The following PLCG1 variants were observed in gnomAD, a reference collection of about 807,000 sequenced individuals.
PLCG1 encodes the protein 1-phosphatidylinositol 4,5-bisphosphate phosphodiesterase gamma-1.
PLCG1 carries 71 observed loss-of-function variants against 177.8 expected under a neutral mutation model. That is an observed-to-expected ratio of 0.40 (90% CI 0.33 to 0.49). The LOEUF is 0.49. PLCG1 is among the 20% of genes least tolerant of loss of function. The pLI, the probability that PLCG1 is intolerant of heterozygous loss-of-function variation, is 0.72. For synonymous variants in PLCG1, 658 were observed against 647.9 expected (o/e 1.02, Z -0.24); for missense variants, 1,281 against 1,709.0 (o/e 0.75, Z 4.42).
chr20:41,164,159 A>G lies in PLCG1; in HGVS notation c.1175A>G (p.Asp392Gly). 4.3e-6 allele frequency: 7 copies of G among 1,614,082 alleles called. No homozygotes were observed. Among genetic ancestry groups the G allele is most frequent in the Non-Finnish European group, 5.9e-6 (7 of 1,180,002 alleles). The stretch of plus-strand genomic sequence containing the variant: ...CTTACCACCAAGATCAAGTTCTCAG[A>G]TGTCCTGCACACCATCAAGGAGCAT... ...HTLTTKIKFS[D>G]VLHTIKEHAF... Residue 392 changes from aspartate (D) to glycine (G), a missense_variant, in exon 12 of 32, where the codon GAT becomes GGT. Physicochemically the swap from Asp to Gly is moderately conservative, Grantham distance 94. Coordinates refer to ENST00000685551, the MANE Select transcript of PLCG1 (RefSeq NM_002660.3). The surrounding 1 kb of genome is among the most constrained non-coding windows in gnomAD (Gnocchi z 6.4).
rs2035000661 is a variant in PLCG1 at position 41,146,558 on chromosome 20, G to T, written c.217+8700G>T. On this transcript the variant is annotated intron_variant, in intron 1 of 31. Coordinates refer to ENST00000685551, the MANE Select transcript of PLCG1 (RefSeq NM_002660.3). This position sits in a 1 kb window ranked among gnomAD's most constrained non-coding sequence, Gnocchi z 6.3. ...TGACAGTGAACAGCTGGCCAAACTG[G>T]TGAGGAGTTGGGCCATGGCGAGTTT... Among the ~76,000 whole-genome samples the T allele has an allele frequency of 6.6e-6, 1 of 152,226 alleles. No individual in the cohort carries two copies. Among genetic ancestry groups the T allele is most frequent in the Non-Finnish European group, 1.5e-5 (1 of 68,040 alleles).
rs560437435 is a variant in PLCG1 at position 41,146,159 on chromosome 20, A to G, written c.217+8301A>G. The stretch of plus-strand genomic sequence containing the variant: ...AGTAAACGGGGCAGGGCGTTCTCCT[A>G]CAGAAGACTGGCATCCCTTTTTACT... On this transcript the variant is annotated intron_variant, in intron 1 of 31. Transcript: ENST00000685551. This position sits in a 1 kb window ranked among gnomAD's most constrained non-coding sequence, Gnocchi z 6.3. 2.0e-4 allele frequency among the ~76,000 whole-genome samples: 31 copies of G among 152,210 alleles called. No individual in the cohort carries two copies. The South Asian group carries it at 5.6e-3, about 28-fold the overall frequency.
rs979448023 is a variant in PLCG1, at chr20:41,176,815, G to A, written c.*2306G>A. ...GATTGACCCAGAAGGCAGAGTGTTT[G>A]TTGGTGGGGAAGACCCTTACTTGGG... On this transcript the variant is annotated 3_prime_UTR_variant, in exon 32 of 32. Coordinates refer to ENST00000685551, the MANE Select transcript of PLCG1 (RefSeq NM_002660.3). 19 of 152,208 alleles carry A rather than the reference G, an allele frequency of 1.2e-4. No homozygotes were observed. The highest frequency in any genetic ancestry group is 4.6e-4 in the African/African-American group (19 of 41,446). 9.4% of individuals were successfully genotyped at this position (152,208 alleles called of 1,614,324 possible).
rs961667658 is a variant in PLCG1 at position 41,148,744 on chromosome 20, T to C, written c.218-10862T>C. 1.3e-5 allele frequency among the ~76,000 whole-genome samples: 2 copies of C among 152,204 alleles called. No individual in the cohort carries two copies. Among genetic ancestry groups the C allele is most frequent in the East Asian group, 1.9e-4 (1 of 5,194 alleles). On this transcript the variant is annotated intron_variant, in intron 1 of 31. Coordinates refer to ENST00000685551, the MANE Select transcript of PLCG1 (RefSeq NM_002660.3). This position sits in a 1 kb window ranked among gnomAD's most constrained non-coding sequence, Gnocchi z 4.3. ...CATGTATGGCTACTATAATAAATAC[T>C]GTGAAGCAGGAGTGCACCACGAAAC... is the stretch of plus-strand genomic sequence containing the variant.
rs186740617 is a variant in PLCG1 at position 41,159,075 on chromosome 20, G to A, written c.218-531G>A. Among the ~76,000 whole-genome samples, 43 of 152,302 alleles carry A rather than the reference G, an allele frequency of 2.8e-4. No individual in the cohort carries two copies. Among genetic ancestry groups the A allele is most frequent in the African/African-American group, 1.0e-3 (43 of 41,556 alleles). ...ACAGCCAGTGCCTTGGTCAGGGGAT[G>A]GGGTGGGGATTAGGCCCCTTGCTGA... On this transcript the variant is annotated intron_variant, in intron 1 of 31. Transcript: ENST00000685551. The surrounding 1 kb of genome is among the most constrained non-coding windows in gnomAD (Gnocchi z 6.0).
In PLCG1 at chr20:41,157,157, C is replaced by T. The variant is rs1301084482; in HGVS notation, c.218-2449C>T. 4.6e-5 allele frequency among the ~76,000 whole-genome samples: 7 copies of T among 151,386 alleles called. No individual in the cohort carries two copies. Among genetic ancestry groups the T allele is most frequent in the African/African-American group, 1.2e-4 (5 of 40,868 alleles). Reference sequence around the variant, plus strand: ...CTATCTCAGGCACCTGTTCTGCCTTCAACTGATCTCAATGGAAATATGTGC... The same window carrying T: ...CTATCTCAGGCACCTGTTCTGCCTTTAACTGATCTCAATGGAAATATGTGC... On this transcript the variant is annotated intron_variant, in intron 1 of 31. Coordinates refer to ENST00000685551, the MANE Select transcript of PLCG1 (RefSeq NM_002660.3). The surrounding 1 kb of genome is among the most constrained non-coding windows in gnomAD (Gnocchi z 5.4).
chr20:41,169,191 C>G lies in PLCG1; in HGVS notation c.2580+16C>G, dbSNP rs746627435. 6.5e-7 allele frequency: 1 copy of G among 1,536,992 alleles called. No homozygotes were observed. The highest frequency in any genetic ancestry group is 9.0e-7 in the Non-Finnish European group (1 of 1,109,630). ...GGAGAGGGAGGTAAGACCAGAACCA[C>G]CTGAGTAACAGCATTCCCTATTCCC... On this transcript the variant is annotated intron_variant, in intron 22 of 31. Transcript: ENST00000685551.
chr20:41,163,694 C>A lies in PLCG1; in HGVS notation c.892-21C>A. ...AGGGCAGGGACTCACTGTCTCTTCC[C>A]TTCCACATGTTTCTGGACAGTTTGT... On this transcript the variant is annotated intron_variant, in intron 9 of 31. Coordinates refer to ENST00000685551, the MANE Select transcript of PLCG1 (RefSeq NM_002660.3). The surrounding 1 kb of genome is among the most constrained non-coding windows in gnomAD (Gnocchi z 5.2). 1 of 1,517,856 alleles carries A rather than the reference C, an allele frequency of 6.6e-7. No individual in the cohort carries two copies. The highest frequency in any genetic ancestry group is 9.2e-7 in the Non-Finnish European group (1 of 1,092,202). The allele number at this position is 1,517,856 out of a possible 1,614,324, so 94.0% of individuals were successfully genotyped here.
rs763311888 is a variant in PLCG1, at chr20:41,163,155, CTTG to C, written c.717-43_717-41del. On this transcript the variant is annotated intron_variant, in intron 7 of 31. Coordinates refer to ENST00000685551, the MANE Select transcript of PLCG1 (RefSeq NM_002660.3). The surrounding 1 kb of genome is among the most constrained non-coding windows in gnomAD (Gnocchi z 5.2). ...TTGGGTTCTGCCTTCCGTGGGGCAC[CTTG>C]TTGTCTGTTGACCATACTAGCTAGC... 1.3e-6 allele frequency: 2 copies of C among 1,543,252 alleles called. No individual in the cohort carries two copies. The highest frequency in any genetic ancestry group is 1.2e-5 in the South Asian group (1 of 81,100).
Position 41,162,666 on chromosome 20 carries a change from A to G in PLCG1, c.622A>G (p.Ile208Val), listed in dbSNP as rs779785172. Reference sequence around the variant, plus strand: ...GGACCTGGAGCAGCGCAGCGGGGACATCACCTACGGGCAGTTTGCTCAGCT... The same window carrying G: ...GGACCTGGAGCAGCGCAGCGGGGACGTCACCTACGGGCAGTTTGCTCAGCT... ...LTDLEQRSGD[I>V]TYGQFAQLYR... The change falls in exon 6 of 32, where the codon ATC becomes GTC. Residue 208 changes from isoleucine to valine, a missense_variant. Around this residue, in one of 4 missense-constraint regions of PLCG1, gnomAD observed 374 missense variants for 443.8 expected, o/e 0.84. Coordinates refer to ENST00000685551, the MANE Select transcript of PLCG1 (RefSeq NM_002660.3). 1.9e-5 allele frequency: 31 copies of G among 1,613,896 alleles called. No homozygotes were observed. In the South Asian group the frequency reaches 3.4e-4, roughly 18 times the overall value.
rs1394929405 is a variant in PLCG1 at position 41,167,807 on chromosome 20, C to T, written c.2302-45C>T. 3.6e-6 allele frequency: 5 copies of T among 1,390,648 alleles called. No homozygotes were observed. Among genetic ancestry groups the T allele is most frequent in the Non-Finnish European group, 5.1e-6 (5 of 977,358 alleles). 86.1% of individuals were successfully genotyped at this position (1,390,648 alleles called of 1,614,324 possible). A position where few individuals can be genotyped will look rare whatever the true frequency, so the allele number is the denominator to read the frequency against. On this transcript the variant is annotated intron_variant, in intron 19 of 31. Transcript: ENST00000685551. The surrounding 1 kb of genome is among the most constrained non-coding windows in gnomAD (Gnocchi z 4.4). ...AGAAACCAGTAGCTGCTTTCTACCT[C>T]TGGGCTCTGGGGCATTAACATATCC...
In PLCG1 at chr20:41,159,790, ATAGT is replaced by A. The variant is rs1164151285; in HGVS notation, c.370+36_370+39del. On this transcript the variant is annotated intron_variant, in intron 2 of 31. Coordinates refer to ENST00000685551, the MANE Select transcript of PLCG1 (RefSeq NM_002660.3). The surrounding 1 kb of genome is among the most constrained non-coding windows in gnomAD (Gnocchi z 6.0). ...GTTAAGGGGGTAGAGGAGGTAGAGG[ATAGT>A]TAGGGGAATGCCTGCTGGCTCCTGC... 1.9e-6 allele frequency: 3 copies of A among 1,614,010 alleles called. No homozygotes were observed. The highest frequency in any genetic ancestry group is 4.5e-5 in the East Asian group (2 of 44,876).
rs2035956638 is a variant in PLCG1, at chr20:41,173,162, TA to T, written c.3280-256del. ...TTAAAAGATTTCTGTGTTAAAATAG[TA>T]ATGGATTTAACATGAAGTAGATTGC... On this transcript the variant is annotated intron_variant, in intron 27 of 31. Transcript: ENST00000685551. The surrounding 1 kb of genome is among the most constrained non-coding windows in gnomAD (Gnocchi z 6.2). Among the ~76,000 whole-genome samples, 1 of 152,188 alleles carries T rather than the reference TA, an allele frequency of 6.6e-6. No individual in the cohort carries two copies. The highest frequency in any genetic ancestry group is 6.5e-5 in the Admixed American group (1 of 15,274).
At chr20:41,152,288 G>A (rs2035189190) in intron 1 of PLCG1, among the ~76,000 whole-genome samples, 1 of 152,226 alleles carries the variant, frequency 6.6e-6, no homozygotes, top group African/African-American at 2.4e-5. Flanking sequence ...GGGCGTGGGT[G>A]CTCGGCATCC....
intron 1 of PLCG1, among the ~76,000 whole-genome samples, chr20:41,142,047 T>C (rs931366545): frequency 6.6e-6 from 1 of 152,232 alleles, no homozygotes; most frequent in Non-Finnish European, 1.5e-5. Flanking sequence ...ATTCAAAAGT[T>C]TATTGAGACA....
At chr20:41,145,164 A>G (rs544979957) in intron 1 of PLCG1, among the ~76,000 whole-genome samples, 1 of 152,342 alleles carries the variant, frequency 6.6e-6, no homozygotes, top group East Asian at 1.9e-4. Context: ...GCTGGCAACA[A>G]GGAAGGTTAA....
chr20:41,142,906 T>C (rs1270493063), intron 1 of PLCG1, among the ~76,000 whole-genome samples: 1 of 152,148 alleles, frequency 6.6e-6, no homozygotes, highest in Non-Finnish European at 1.5e-5. Context: ...CAGGAGGACC[T>C]GGTGGGGAGG....
At position 41,166,858 on chromosome 20, in the gene PLCG1, C is replaced by A; in HGVS notation, c.2300C>A (p.Ala767Asp). Residue 767 changes from alanine (A) to aspartate (D), a missense_variant and splice_region_variant, in exon 19 of 32, where the codon GCT (alanine) becomes GAT (aspartate). By Grantham distance (126) the Ala-to-Asp change is moderately radical. Around this residue, in one of 4 missense-constraint regions of PLCG1, gnomAD observed 723 missense variants for 1,030.0 expected, o/e 0.70. Coordinates refer to ENST00000685551, the MANE Select transcript of PLCG1 (RefSeq NM_002660.3). This position sits in a 1 kb window ranked among gnomAD's most constrained non-coding sequence, Gnocchi z 8.6. ...NEEALEKIGT[A>D]EPDYGALYEG... is the part of the protein sequence containing the mutation. ...GAGGCACTGGAGAAGATTGGCACAGCTGTGAGGGGGCTGTGGTAGACGGGG... is the reference window on the plus strand; with the variant it reads ...GAGGCACTGGAGAAGATTGGCACAGATGTGAGGGGGCTGTGGTAGACGGGG... The A allele has an allele frequency of 6.2e-7, 1 of 1,613,690 alleles. No individual in the cohort carries two copies. Among genetic ancestry groups the A allele is most frequent in the Admixed American group, 1.7e-5 (1 of 60,018 alleles).
At position 41,167,532 on chromosome 20, in the gene PLCG1, C is replaced by T. The variant is rs2035741032; in HGVS notation, c.2302-320C>T. The T allele has an allele frequency of 3.3e-6, 1 of 307,546 alleles. No homozygotes were observed. The allele number at this position is 307,546 out of a possible 1,614,324, so 19.1% of individuals were successfully genotyped here. On this transcript the variant is annotated intron_variant, in intron 19 of 31. Transcript: ENST00000685551. The surrounding 1 kb of genome is among the most constrained non-coding windows in gnomAD (Gnocchi z 4.4). ...AGCAGTGAACCAACAAGCCACTGAA[C>T]TAAAGCACTGAATATGGGTAGTCTG...
Sources: gnomAD v4.1 joint callset for allele counts (sites outside exome capture counted in the v4.1 genomes callset) on GRCh38, gnomAD v4.1.1 for gene constraint, gnomAD v4.1.1 regional missense constraint, Gnocchi (gnomAD v3.1) non-coding constraint, MANE v1.5 for transcripts, NCBI Gene and HGNC (gene_info 2026-07-23, HGNC 2026-07-21) for gene names.